LRRC8B: variants seen among roughly 807,000 people sequenced by gnomAD.
LRRC8B encodes the protein volume-regulated anion channel subunit LRRC8B.
A neutral mutation model predicts 58.8 loss-of-function variants in LRRC8B; 23 were observed. The observed-to-expected ratio is 0.39, with a 90% CI of 0.28 to 0.55. LRRC8B has a LOEUF of 0.55. Among genes scored for constraint, LRRC8B ranks in the 20% least tolerant of loss-of-function variants. The probability of loss-of-function intolerance (pLI) is 0.62; values close to 1 mark genes in which losing one functional copy is unlikely to be tolerated. For missense variants in LRRC8B, 694 were observed against 936.0 expected, an observed-to-expected ratio of 0.74 and a Z score of 3.37; for synonymous variants, 359 against 374.1, an observed-to-expected ratio of 0.96 and a Z score of 0.47.
At chr1:89,558,306 C>G (rs1652341659) in intron 1 of LRRC8B, among the ~76,000 whole-genome samples, 1 of 152,084 alleles carries the variant, frequency 6.6e-6, no homozygotes, top group South Asian at 2.1e-4. Flanking sequence ...GCCAATAAAA[C>G]AGAAAGCAAG....
chr1:89,538,824 G>A (rs989693688), intron 1 of LRRC8B, among the ~76,000 whole-genome samples: 1 of 152,028 alleles, frequency 6.6e-6, no homozygotes, highest in South Asian at 2.1e-4. Context: ...GGGTTCAAGC[G>A]ATTCCCCTAC....
chr1:89,564,587 C>T (rs1051838924), intron 1 of LRRC8B, among the ~76,000 whole-genome samples: 2 of 152,118 alleles, frequency 1.3e-5, no homozygotes, highest in African/African-American at 4.8e-5. Context: ...AAGTGTTATC[C>T]TTCCCCTAAC....
At chr1:89,570,190 A>G (rs1653351724) in intron 3 of LRRC8B, among the ~76,000 whole-genome samples, 2 of 152,172 alleles carry the variant, frequency 1.3e-5, no homozygotes, top group African/African-American at 4.8e-5. Context: ...ATACACATGC[A>G]TGTGCCTTTA....
Position 89,583,817 on chromosome 1 carries a change from A to G in LRRC8B, c.1167A>G (p.Ser389=). ...CCAAACGCTTCTCCATATTCCTATC[A>G]GAGGTCAGTGAGAACAAACTGAAAC... The part of the protein sequence containing the change: ...LYSKRFSIFL[S]EVSENKLKQI... The change falls in exon 5 of 6, where the codon TCA becomes TCG. Residue 389 remains serine (S), a synonymous_variant. Transcript: ENST00000330947. The surrounding 1 kb of genome is among the most constrained non-coding windows in gnomAD (Gnocchi z 5.2). 4 of 1,614,216 alleles carry G rather than the reference A, an allele frequency of 2.5e-6. No individual in the cohort carries two copies. Among genetic ancestry groups the G allele is most frequent in the Non-Finnish European group, 2.5e-6 (3 of 1,180,030 alleles).
intron 1 of LRRC8B, among the ~76,000 whole-genome samples, chr1:89,545,463 T>A (rs1182822179): frequency 6.6e-6 from 1 of 152,154 alleles, no homozygotes; most frequent in Non-Finnish European, 1.5e-5. Flanking sequence ...AACCAGGCCT[T>A]TTAGCTCTGT....
chr1:89,591,099 C>T (rs1272958160), intron 5 of LRRC8B, among the ~76,000 whole-genome samples: 1 of 152,196 alleles, frequency 6.6e-6, no homozygotes, highest in Non-Finnish European at 1.5e-5. Flanking sequence ...TTTTCAAAGG[C>T]AGTCTTTCTA....
At chr1:89,587,949 G>A (rs1009590915) in intron 5 of LRRC8B, 1 of 152,284 alleles carries the variant, frequency 6.6e-6, no homozygotes, top group Admixed American at 6.5e-5. Context: ...TGTTGCTGCT[G>A]TTGTGACCCT....
At chr1:89,550,312 C>A (rs1272830077) in intron 1 of LRRC8B, among the ~76,000 whole-genome samples, 1 of 152,156 alleles carries the variant, frequency 6.6e-6, no homozygotes, top group East Asian at 1.9e-4. Flanking sequence ...TGTATTTCTC[C>A]TTTTTAACGA....
intron 1 of LRRC8B, chr1:89,527,094 TTTG>T (rs1649757210): frequency 1.3e-5 from 2 of 152,252 alleles, no homozygotes; most frequent in African/African-American, 4.8e-5. Context: ...TTTGTTATTT[TTTG>T]TTGTTTTCTG....
At chr1:89,529,856 T>A (rs1649981550) in intron 1 of LRRC8B, among the ~76,000 whole-genome samples, 1 of 151,592 alleles carries the variant, frequency 6.6e-6, no homozygotes, top group Admixed American at 6.6e-5. Context: ...TTAATTTATT[T>A]CACAGTATTT....
chr1:89,562,835 T>C (rs1228004132), intron 1 of LRRC8B, among the ~76,000 whole-genome samples: 1 of 152,080 alleles, frequency 6.6e-6, no homozygotes, highest in African/African-American at 2.4e-5. Flanking sequence ...ACATTCTCTC[T>C]CCCACCCAAA....
intron 1 of LRRC8B, among the ~76,000 whole-genome samples, chr1:89,555,507 A>C (rs1057013469): frequency 4.6e-5 from 7 of 152,210 alleles, no homozygotes; most frequent in African/African-American, 1.4e-4. Flanking sequence ...TCTACAAGCT[A>C]AGCCCTGGGG....
At chr1:89,562,551 G>A (rs1410813520) in intron 1 of LRRC8B, among the ~76,000 whole-genome samples, 4 of 151,704 alleles carry the variant, frequency 2.6e-5, no homozygotes, top group African/African-American at 4.8e-5. Flanking sequence ...TCGGCTCACT[G>A]CAGCCTCGAC....
intron 1 of LRRC8B, among the ~76,000 whole-genome samples, chr1:89,555,071 T>A (rs902910881): frequency 6.6e-6 from 1 of 152,186 alleles, no homozygotes; most frequent in Non-Finnish European, 1.5e-5. Context: ...CCCATGTTTC[T>A]CCTCTTTGCT....
chr1:89,592,437 T>C (rs1442109188), intron 5 of LRRC8B, among the ~76,000 whole-genome samples: 1 of 152,238 alleles, frequency 6.6e-6, no homozygotes, highest in East Asian at 1.9e-4. Context: ...ATGATTTTTC[T>C]TACTGGTTTG....
intron 4 of LRRC8B, among the ~76,000 whole-genome samples, chr1:89,580,611 C>T (rs532909504): frequency 4.6e-5 from 7 of 152,066 alleles, no homozygotes; most frequent in East Asian, 3.9e-4. Context: ...TGTCTTACCT[C>T]GACACACAAT....
At chr1:89,584,821 A>G (rs760964861) in intron 5 of LRRC8B, 32 bp downstream of exon 5, 2 of 1,439,840 alleles carry the variant, frequency 1.4e-6, no homozygotes, top group Non-Finnish European at 9.6e-7. Context: ...TTTATTCAGT[A>G]TCTGCCGTAC....
intron 5 of LRRC8B, among the ~76,000 whole-genome samples, chr1:89,585,948 G>A (rs1022323235): frequency 1.3e-5 from 2 of 152,178 alleles, no homozygotes; most frequent in African/African-American, 4.8e-5. Flanking sequence ...TGAAAAACAT[G>A]GGTGTTAGAT....
At chr1:89,532,280 T>C (rs1650198729) in intron 1 of LRRC8B, among the ~76,000 whole-genome samples, 1 of 152,150 alleles carries the variant, frequency 6.6e-6, no homozygotes, top group Admixed American at 6.5e-5. Flanking sequence ...GAATATAAGT[T>C]CTGTGAAAGC....
Sources: gnomAD v4.1 joint callset for allele counts (sites outside exome capture counted in the v4.1 genomes callset) on GRCh38, gnomAD v4.1.1 for gene constraint, Gnocchi (gnomAD v3.1) non-coding constraint, MANE v1.5 for transcripts, NCBI Gene and HGNC (gene_info 2026-07-23, HGNC 2026-07-21) for gene names.